The following TTLL7 variants were observed in gnomAD, a reference collection of about 807,000 sequenced individuals.
TTLL7 encodes the protein tubulin tyrosine ligase like 7.
A neutral mutation model predicts 120.2 loss-of-function variants in TTLL7; 53 were observed. That is an observed-to-expected ratio of 0.44 (90% CI 0.35 to 0.55). TTLL7 has a LOEUF of 0.55. Among genes scored for constraint, TTLL7 ranks in the 20% least tolerant of loss-of-function variants. TTLL7 has a pLI of 0.00. For missense variants in TTLL7, 803 were observed against 1,054.7 expected, an observed-to-expected ratio of 0.76 and a Z score of 3.31; for synonymous variants, 353 against 351.7, an observed-to-expected ratio of 1.00 and a Z score of -0.04.
intron 1 of TTLL7, among the ~76,000 whole-genome samples, chr1:83,992,965 G>A (rs140597327): frequency 1.3e-5 from 2 of 151,924 alleles, no homozygotes; most frequent in East Asian, 1.9e-4. Flanking sequence ...ACACATGGTC[G>A]TAGATTTTAT....
chr1:83,871,349 G>A (rs757503633), intron 20 of TTLL7, among the ~76,000 whole-genome samples: 8 of 152,096 alleles, frequency 5.3e-5, no homozygotes, highest in Non-Finnish European at 1.0e-4. Context: ...ATCTTGACTA[G>A]CATTAGGCCA....
intron 20 of TTLL7, among the ~76,000 whole-genome samples, chr1:83,874,544 T>C (rs1205511061): frequency 6.6e-6 from 1 of 152,048 alleles, no homozygotes; most frequent in Non-Finnish European, 1.5e-5. Flanking sequence ...TTTTAGAAAC[T>C]CTCAAACTGC....
intron 17 of TTLL7, 120 bp from the exon 18 acceptor site, chr1:83,904,279 CAT>C (rs1334902092): frequency 2.9e-6 from 2 of 687,502 alleles, no homozygotes; most frequent in African/African-American, 1.8e-5. Context: ...CATAAAAACA[CAT>C]GTGCAAAGAT....
At position 83,888,979 on chromosome 1, in the gene TTLL7, C is replaced by T. The variant is rs571222517; in HGVS notation, c.2369+1342G>A. Among the ~76,000 whole-genome samples, 7 of 152,068 alleles carry T rather than the reference C, an allele frequency of 4.6e-5. No individual in the cohort carries two copies. The East Asian group carries it at 1.4e-3, about 30-fold the overall frequency. ...AAAAAAGGCTCTCTTTGTCTAAAAT[C>T]CTGTCATACTTTATCTGTATCTCTT... On this transcript the variant is annotated intron_variant, in intron 19 of 20. Coordinates refer to ENST00000260505, the MANE Select transcript of TTLL7 (RefSeq NM_024686.6).
At chr1:83,922,497 T>C (rs1053973888) in intron 10 of TTLL7, among the ~76,000 whole-genome samples, 8 of 152,152 alleles carry the variant, frequency 5.3e-5, no homozygotes, top group African/African-American at 1.9e-4. Flanking sequence ...AACTTGACCT[T>C]GCAGGAATGT....
At chr1:83,951,331 A>G (rs182181619) in intron 3 of TTLL7, among the ~76,000 whole-genome samples, 1 of 152,068 alleles carries the variant, frequency 6.6e-6, no homozygotes, top group African/African-American at 2.4e-5. Flanking sequence ...CCTGGGCGAC[A>G]GAAACTCCGC....
At chr1:83,926,498 G>A (rs998842173) in intron 10 of TTLL7, among the ~76,000 whole-genome samples, 1 of 152,122 alleles carries the variant, frequency 6.6e-6, no homozygotes, top group Non-Finnish European at 1.5e-5. Flanking sequence ...CCACAAAAGG[G>A]AGTAAGACTG....
intron 1 of TTLL7, among the ~76,000 whole-genome samples, chr1:83,985,530 A>G (rs1306507938): frequency 1.3e-5 from 2 of 152,136 alleles, no homozygotes; most frequent in African/African-American, 4.8e-5. Flanking sequence ...GCATCCTTCA[A>G]TCCAACCAAG....
chr1:83,949,876 G>T lies in TTLL7; in HGVS notation c.268C>A (p.Gln90Lys). Residue 90 changes from glutamine (Q) to lysine (K), a missense_variant, in exon 4 of 21, where the codon CAA becomes AAA. By Grantham distance (53) the Gln-to-Lys change is moderately conservative. Transcript: ENST00000260505. ...AVQQEKISELQNYQRINHFPG... is the reference protein window; with the variant it reads ...AVQQEKISELKNYQRINHFPG... The stretch of plus-strand genomic sequence containing the variant: ...GATTAATTTCCTACCTGATAATTTT[G>T]CAGCTCTGAAATTTTCTCCTGCTGA... The T allele has an allele frequency of 6.2e-7, 1 of 1,613,360 alleles. No homozygotes were observed. The highest frequency in any genetic ancestry group is 8.5e-7 in the Non-Finnish European group (1 of 1,179,870).
chr1:83,892,245 T>C (rs1340542793), intron 18 of TTLL7, among the ~76,000 whole-genome samples: 1 of 138,698 alleles, frequency 7.2e-6, no homozygotes, highest in Non-Finnish European at 1.5e-5. Context: ...TATGAATATA[T>C]ATGTATATAT....
intron 18 of TTLL7, among the ~76,000 whole-genome samples, chr1:83,892,217 A>AAT (rs200801301): frequency 1.4e-5 from 2 of 144,192 alleles, no homozygotes; most frequent in Admixed American, 1.4e-4. Context: ...CATATATATG[A>AAT]ATATATATGT....
intron 20 of TTLL7, among the ~76,000 whole-genome samples, chr1:83,874,711 A>G (rs1229522462): frequency 1.3e-5 from 2 of 151,906 alleles, no homozygotes; most frequent in African/African-American, 2.4e-5. Flanking sequence ...TTTAACTTCA[A>G]TTTTTTGGGG....
In TTLL7 at chr1:83,883,134, G is replaced by T; in HGVS notation, c.2372C>A (p.Ser791Tyr). Reference protein sequence around the residue: ...GLWNCFCDSGSSWESIFNKSP... With the variant: ...GLWNCFCDSGYSWESIFNKSP... Reference sequence around the variant, plus strand: ...TTTATTGAATATACTCTCCCAAGAGGATCTGTTGGCATGGAAACAGACATG... The same window carrying T: ...TTTATTGAATATACTCTCCCAAGAGTATCTGTTGGCATGGAAACAGACATG... The change falls in exon 20 of 21, where the codon TCC becomes TAC. Residue 791 changes from serine (S) to tyrosine (Y), a missense_variant and splice_region_variant. Ser to Tyr is a moderately radical substitution (Grantham distance 144). This residue lies in a region of TTLL7 where 388 missense variants were observed against 450.4 expected (regional missense o/e 0.86). Coordinates refer to ENST00000260505, the MANE Select transcript of TTLL7 (RefSeq NM_024686.6). 1 of 1,581,306 alleles carries T rather than the reference G, an allele frequency of 6.3e-7. No homozygotes were observed. Among genetic ancestry groups the T allele is most frequent in the South Asian group, 1.2e-5 (1 of 86,774 alleles).
chr1:83,923,131 T>G (rs187913657), intron 10 of TTLL7, among the ~76,000 whole-genome samples: 24 of 150,716 alleles, frequency 1.6e-4, no homozygotes, highest in Admixed American at 1.5e-3. Context: ...TTTAGGTAAC[T>G]CTTTAACTTT....
chr1:83,900,437 G>T (rs896905518), intron 18 of TTLL7, among the ~76,000 whole-genome samples: 8 of 152,000 alleles, frequency 5.3e-5, no homozygotes, highest in Admixed American at 1.3e-4. Context: ...AAAGATATCT[G>T]GTTGTAGGGG....
chr1:83,914,762 C>T (rs971004004), intron 14 of TTLL7, among the ~76,000 whole-genome samples: 2 of 152,180 alleles, frequency 1.3e-5, no homozygotes, highest in South Asian at 2.1e-4. Flanking sequence ...TTTACACTCC[C>T]TTTATTATAG....
intron 20 of TTLL7, among the ~76,000 whole-genome samples, chr1:83,870,473 G>A (rs951221381): frequency 1.1e-4 from 17 of 151,964 alleles, no homozygotes; most frequent in African/African-American, 2.2e-4. Flanking sequence ...CAAGGGAGGC[G>A]GAACCACTGA....
rs750966676 is a variant in TTLL7 at position 83,937,882 on chromosome 1, A to G, written c.858T>C (p.His286=). 7 of 1,614,058 alleles carry G rather than the reference A, an allele frequency of 4.3e-6. No individual in the cohort carries two copies. The highest frequency in any genetic ancestry group is 3.3e-5 in the Admixed American group (2 of 60,014). ...TATCACTCCAAAACTTAGCAACATC[A>G]TGTTGATTTGCTTGAAGGAATTCTG... is the stretch of plus-strand genomic sequence containing the variant. ...WFTEFLQANQ[H]DVAKFWSDIS... is the part of the protein sequence containing the mutation. The change falls in exon 8 of 21, where the codon CAT becomes CAC. Residue 286 remains histidine, a synonymous_variant. Transcript: ENST00000260505.
chr1:83,893,147 T>C (rs1024035122), intron 18 of TTLL7, among the ~76,000 whole-genome samples: 1 of 151,756 alleles, frequency 6.6e-6, no homozygotes, highest in Non-Finnish European at 1.5e-5. Flanking sequence ...GCGTGTTGGG[T>C]TCACAGGTGG....
Sources: gnomAD v4.1 joint callset for allele counts (sites outside exome capture counted in the v4.1 genomes callset) on GRCh38, gnomAD v4.1.1 for gene constraint, gnomAD v4.1.1 regional missense constraint, MANE v1.5 for transcripts, NCBI Gene and HGNC (gene_info 2026-07-23, HGNC 2026-07-21) for gene names.